Variants in GPD1L observed in about 807,000 individuals in gnomAD.
The protein encoded by GPD1L is glycerol-3-phosphate dehydrogenase 1-like protein.
GPD1L carries 17 observed loss-of-function variants against 32.9 expected under a neutral mutation model. That is an observed-to-expected ratio of 0.52 (90% CI 0.35 to 0.78). The LOEUF is 0.78. Ranked by LOEUF, GPD1L falls within the 30% of genes least tolerant of loss-of-function variation. The probability of loss-of-function intolerance (pLI) is 0.01; values close to 1 mark genes in which losing one functional copy is unlikely to be tolerated. For synonymous variants in GPD1L, 187 were observed against 165.9 expected (o/e 1.13, Z -0.98); for missense variants, 361 against 447.8 (o/e 0.81, Z 1.75).
At chr3:32,115,829 C>T (rs1253796463) in intron 1 of GPD1L, among the ~76,000 whole-genome samples, 2 of 113,970 alleles carry the variant, frequency 1.8e-5, no homozygotes, top group Non-Finnish European at 3.4e-5. Context: ...CGCTCTGTTG[C>T]ACAGGTTGGA....
rs555000027 is a variant in GPD1L at position 32,135,683 on chromosome 3, C to T, written c.226-2904C>T. On this transcript the variant is annotated intron_variant, in intron 2 of 7. Coordinates refer to ENST00000282541, the MANE Select transcript of GPD1L (RefSeq NM_015141.4). ...GGCCAGGCTGGTTTCAAACTCTTGG[C>T]CTCAAGCGATCCACCCACCTCAGCC... Among the ~76,000 whole-genome samples the T allele has an allele frequency of 2.6e-5, 4 of 152,144 alleles. No individual in the cohort carries two copies. In the South Asian group the frequency reaches 8.3e-4, roughly 32 times the overall value.
At chr3:32,156,307 G>T (rs897539333) in intron 5 of GPD1L, among the ~76,000 whole-genome samples, 1 of 152,226 alleles carries the variant, frequency 6.6e-6, no homozygotes, top group African/African-American at 2.4e-5. Flanking sequence ...GGTACCTTAC[G>T]AAGACATATG....
Position 32,144,745 on chromosome 3 carries a change from G to A in GPD1L, c.506-1877G>A, listed in dbSNP as rs1206942437. 2.7e-5 allele frequency among the ~76,000 whole-genome samples: 4 copies of A among 149,916 alleles called. No homozygotes were observed. The East Asian group carries it at 8.6e-4, about 32-fold the overall frequency. On this transcript the variant is annotated intron_variant, in intron 4 of 7. Transcript: ENST00000282541. ...CTGTTGCCCAGGCTGGAGTGCAGTG[G>A]CGTGATCTCGGCTCACAGCAACCTC...
chr3:32,165,121 G>A (rs983512668), intron 7 of GPD1L, among the ~76,000 whole-genome samples: 9 of 152,260 alleles, frequency 5.9e-5, no homozygotes, highest in South Asian at 2.1e-4. Context: ...CAGCAGAATC[G>A]CTTGAATCCA....
At chr3:32,140,682 C>T (rs2125486575) in intron 4 of GPD1L, among the ~76,000 whole-genome samples, 1 of 150,510 alleles carries the variant, frequency 6.6e-6, no homozygotes, top group East Asian at 1.9e-4. Flanking sequence ...TGGCTACATC[C>T]ATGGTAGGGG....
chr3:32,121,962 T>G (rs1461811107), intron 1 of GPD1L, among the ~76,000 whole-genome samples: 1 of 151,662 alleles, frequency 6.6e-6, no homozygotes, highest in East Asian at 1.9e-4. Flanking sequence ...GCAGAGACGG[T>G]GTTTTACCAT....
chr3:32,150,753 A>G (rs1300110335), intron 5 of GPD1L, among the ~76,000 whole-genome samples: 2 of 152,134 alleles, frequency 1.3e-5, no homozygotes, highest in Non-Finnish European at 2.9e-5. Context: ...GTAATTGGCT[A>G]CTATGGAGAA....
intron 4 of GPD1L, among the ~76,000 whole-genome samples, chr3:32,144,227 A>G (rs1700788347): frequency 6.6e-6 from 1 of 152,186 alleles, no homozygotes; most frequent in African/African-American, 2.4e-5. Context: ...ATCGTGGCCC[A>G]CTTGAATCTT....
At chr3:32,153,049 G>C (rs557039832) in intron 5 of GPD1L, among the ~76,000 whole-genome samples, 1 of 152,168 alleles carries the variant, frequency 6.6e-6, no homozygotes, top group South Asian at 2.1e-4. Flanking sequence ...TTCTATTATT[G>C]TAGAAGGAAA....
intron 1 of GPD1L, among the ~76,000 whole-genome samples, chr3:32,107,689 G>A (rs1344230676): frequency 1.3e-5 from 2 of 152,194 alleles, no homozygotes; most frequent in Non-Finnish European, 2.9e-5. Flanking sequence ...TGCTGCAGCA[G>A]CTGGTCCTAG....
intron 7 of GPD1L, among the ~76,000 whole-genome samples, chr3:32,160,288 TG>T (rs1407307687): frequency 7.7e-5 from 7 of 90,438 alleles, no homozygotes; most frequent in African/African-American, 1.2e-4. Flanking sequence ...CATGGGTAGA[TG>T]GGTGAGTGGA....
intron 4 of GPD1L, among the ~76,000 whole-genome samples, chr3:32,141,825 G>A (rs1700748646): frequency 6.6e-6 from 1 of 152,024 alleles, no homozygotes; most frequent in South Asian, 2.1e-4. Flanking sequence ...AGATTCGGGG[G>A]TACATGTGCA....
intron 2 of GPD1L, among the ~76,000 whole-genome samples, chr3:32,132,425 G>A (rs1379664052): frequency 6.6e-6 from 1 of 152,102 alleles, no homozygotes; most frequent in African/African-American, 2.4e-5. Context: ...TAAGTTTAGG[G>A]CAAGACTTAA....
chr3:32,114,066 G>T (rs545131699), intron 1 of GPD1L, among the ~76,000 whole-genome samples: 3 of 152,300 alleles, frequency 2.0e-5, no homozygotes, highest in African/African-American at 7.2e-5. Context: ...TGTTGCCCAA[G>T]CTGATTTCGA....
chr3:32,160,529 T>C (rs547766455), intron 7 of GPD1L, among the ~76,000 whole-genome samples: 1 of 49,972 alleles, frequency 2.0e-5, no homozygotes, highest in Non-Finnish European at 3.2e-5. Context: ...AGTGGATGGG[T>C]GGGATGGGTG....
At chr3:32,124,211 G>A (rs1245532011) in intron 1 of GPD1L, among the ~76,000 whole-genome samples, 2 of 151,968 alleles carry the variant, frequency 1.3e-5, no homozygotes, top group African/African-American at 2.4e-5. Flanking sequence ...GACTACAGGC[G>A]CACGCCACCA....
rs149518032 is a variant in GPD1L at position 32,115,317 on chromosome 3, A to G, written c.47+8559A>G. ...CAGAGTACTGATTGGTGCATTTATA[A>G]TCCTTTAGCTAGACACAGAGTGCTG... On this transcript the variant is annotated intron_variant, in intron 1 of 7. Coordinates refer to ENST00000282541, the MANE Select transcript of GPD1L (RefSeq NM_015141.4). Among the ~76,000 whole-genome samples the G allele has an allele frequency of 1.3e-3, 199 of 152,048 alleles. 6 individuals are homozygous for G. The East Asian group carries it at 0.029, about 22-fold the overall frequency.
At chr3:32,110,458 C>A (rs1051463182) in intron 1 of GPD1L, among the ~76,000 whole-genome samples, 1 of 152,204 alleles carries the variant, frequency 6.6e-6, no homozygotes, top group Non-Finnish European at 1.5e-5. Flanking sequence ...GGCAGCTTAG[C>A]CTGTTTGTGT....
intron 4 of GPD1L, among the ~76,000 whole-genome samples, chr3:32,145,638 T>C (rs572924571): frequency 1.3e-5 from 2 of 152,066 alleles, no homozygotes; most frequent in East Asian, 3.9e-4. Flanking sequence ...CACTGAGCAG[T>C]GGGAGGAGAC....
Sources: allele counts gnomAD v4.1 joint callset (sites outside exome capture counted in the v4.1 genomes callset), GRCh38; gene constraint gnomAD v4.1.1; transcripts MANE v1.5; gene names NCBI Gene and HGNC (gene_info 2026-07-23, HGNC 2026-07-21).